The following GRIK1 variants were observed in gnomAD, a reference collection of about 807,000 sequenced individuals.
GRIK1 encodes the protein glutamate receptor ionotropic, kainate 1.
In GRIK1, 69 loss-of-function variants were observed where a neutral mutation model predicts 105.7. The observed-to-expected ratio is 0.65, with a 90% CI of 0.54 to 0.80. GRIK1 has a LOEUF of 0.80. GRIK1 is among the 30% of genes least tolerant of loss of function. The pLI, the probability that GRIK1 is intolerant of heterozygous loss-of-function variation, is 0.00. For synonymous variants in GRIK1, 438 were observed against 431.3 expected (o/e 1.02, Z -0.19); for missense variants, 1,109 against 1,167.3 (o/e 0.95, Z 0.73).
At chr21:29,670,605 A>C (rs2063144875) in intron 4 of GRIK1, among the ~76,000 whole-genome samples, 1 of 152,176 alleles carries the variant, frequency 6.6e-6, no homozygotes, top group Non-Finnish European at 1.5e-5. Flanking sequence ...GAGACAAATG[A>C]GTATCTAGCA....
chr21:29,590,242 C>A (rs2146288476), intron 10 of GRIK1, among the ~76,000 whole-genome samples: 1 of 152,290 alleles, frequency 6.6e-6, no homozygotes, highest in South Asian at 2.1e-4. Context: ...ACCAGAAGAG[C>A]AAACCAGTTT....
intron 7 of GRIK1, among the ~76,000 whole-genome samples, chr21:29,631,211 G>A (rs909451148): frequency 6.6e-6 from 1 of 152,156 alleles, no homozygotes; most frequent in Non-Finnish European, 1.5e-5. Context: ...GTCTCAAGCT[G>A]GGTTGTTGTT....
chr21:29,794,627 A>C (rs747720162), intron 1 of GRIK1, among the ~76,000 whole-genome samples: 12 of 152,314 alleles, frequency 7.9e-5, no homozygotes, highest in Non-Finnish European at 1.3e-4. Context: ...AGGCAGTTGC[A>C]TATATTATGT....
intron 1 of GRIK1, among the ~76,000 whole-genome samples, chr21:29,834,267 G>A (rs1007841397): frequency 2.0e-5 from 3 of 149,772 alleles, no homozygotes; most frequent in African/African-American, 7.3e-5. Context: ...GAACTTGGAA[G>A]GAAATTTATT....
intron 1 of GRIK1, among the ~76,000 whole-genome samples, chr21:29,802,754 C>A (rs1390546623): frequency 6.6e-6 from 1 of 152,138 alleles, no homozygotes; most frequent in Non-Finnish European, 1.5e-5. Flanking sequence ...CATTTTGAAC[C>A]CTCTGTCTGC....
intron 7 of GRIK1, among the ~76,000 whole-genome samples, chr21:29,606,957 C>G (rs560135436): frequency 6.6e-6 from 1 of 152,204 alleles, no homozygotes; most frequent in South Asian, 2.1e-4. Flanking sequence ...GTGCCACTTT[C>G]ACTGCCTACT....
At chr21:29,850,311 T>A (rs1299882829) in intron 1 of GRIK1, among the ~76,000 whole-genome samples, 1 of 152,208 alleles carries the variant, frequency 6.6e-6, no homozygotes, top group Non-Finnish European at 1.5e-5. Context: ...TAAATTTTTT[T>A]TTGTTAGGAC....
intron 1 of GRIK1, among the ~76,000 whole-genome samples, chr21:29,817,838 G>A (rs1284868840): frequency 6.6e-6 from 1 of 152,108 alleles, no homozygotes; most frequent in Non-Finnish European, 1.5e-5. Context: ...TACAGAACCT[G>A]TTATGTGCCC....
intron 16 of GRIK1, among the ~76,000 whole-genome samples, chr21:29,540,936 G>C (rs1465574996): frequency 6.6e-6 from 1 of 150,530 alleles, no homozygotes; most frequent in Non-Finnish European, 1.5e-5. Context: ...ATGTGATGGA[G>C]TTCACATTTC....
chr21:29,604,199 C>T (rs1281761219), intron 7 of GRIK1, among the ~76,000 whole-genome samples: 3 of 152,124 alleles, frequency 2.0e-5, no homozygotes, highest in Non-Finnish European at 4.4e-5. Flanking sequence ...CAGAGTAATT[C>T]CCACTTCTCG....
Position 29,587,416 on chromosome 21 carries a change from A to G in GRIK1, c.1743T>C (p.Tyr581=). ...LNPLSPDIWM[Y]VLLACLGVSC... is the part of the protein sequence containing the mutation. The stretch of plus-strand genomic sequence containing the variant: ...TGACTCCCAAGCAGGCTAAGAGCAC[A>G]TACATCCAAATATCTGGAGACAGGG... The change falls in exon 12 of 18, where the codon TAT becomes TAC. Residue 581 remains tyrosine, a synonymous_variant. Coordinates refer to ENST00000327783, the MANE Select transcript of GRIK1 (RefSeq NM_001330994.2). The G allele has an allele frequency of 6.2e-7, 1 of 1,613,986 alleles. No homozygotes were observed. Among genetic ancestry groups the G allele is most frequent in the Non-Finnish European group, 8.5e-7 (1 of 1,179,876 alleles).
intron 1 of GRIK1, among the ~76,000 whole-genome samples, chr21:29,931,873 G>C (rs2071578271): frequency 1.3e-5 from 2 of 152,070 alleles, no homozygotes; most frequent in African/African-American, 4.8e-5. Context: ...GACTCGTTTG[G>C]TGTAAAAAAT....
chr21:29,733,373 A>G (rs530528955), intron 1 of GRIK1, among the ~76,000 whole-genome samples: 1 of 152,238 alleles, frequency 6.6e-6, no homozygotes, highest in South Asian at 2.1e-4. Flanking sequence ...TATATAGCCA[A>G]TTGAGTCTTG....
At chr21:29,654,718 T>C (rs1373928901) in intron 5 of GRIK1, 92 bp downstream of exon 5, 1 of 786,338 alleles carries the variant, frequency 1.3e-6, no homozygotes, top group African/African-American at 1.7e-5. Flanking sequence ...CATGACAATA[T>C]CCTGCCTTTG....
chr21:29,667,136 A>G (rs921708417), intron 4 of GRIK1, among the ~76,000 whole-genome samples: 12 of 152,244 alleles, frequency 7.9e-5, no homozygotes, highest in South Asian at 2.1e-4. Context: ...GATCTGACTT[A>G]GTGGGCACAT....
At chr21:29,582,082 G>A (rs532804808) in intron 12 of GRIK1, among the ~76,000 whole-genome samples, 1 of 152,266 alleles carries the variant, frequency 6.6e-6, no homozygotes, top group South Asian at 2.1e-4. Context: ...GGGATTGCAA[G>A]GCTGAACAAA....
chr21:29,736,819 AGGCGCCCACCACCAT>A (rs1205312832), intron 1 of GRIK1, among the ~76,000 whole-genome samples: 1 of 151,650 alleles, frequency 6.6e-6, no homozygotes, highest in Non-Finnish European at 1.5e-5. Flanking sequence ...CTGGGATTAC[AGGCGCCCACCACCAT>A]GGCTGACTGA....
chr21:29,743,165 A>G (rs899432216), intron 1 of GRIK1, among the ~76,000 whole-genome samples: 1 of 152,156 alleles, frequency 6.6e-6, no homozygotes, highest in Non-Finnish European at 1.5e-5. Context: ...ATGTATACAT[A>G]CAGAGAGAGA....
chr21:29,928,300 T>C (rs912756552), intron 1 of GRIK1, among the ~76,000 whole-genome samples: 14 of 152,230 alleles, frequency 9.2e-5, no homozygotes, highest in African/African-American at 3.1e-4. Context: ...TTGCTTTAAA[T>C]ACCACAGCAG....
Sources: gnomAD v4.1 joint callset for allele counts (sites outside exome capture counted in the v4.1 genomes callset) on GRCh38, gnomAD v4.1.1 for gene constraint, MANE v1.5 for transcripts, NCBI Gene and HGNC (gene_info 2026-07-23, HGNC 2026-07-21) for gene names.